Variants in CTTNBP2 observed in about 807,000 individuals in gnomAD.
CTTNBP2 encodes the protein cortactin-binding protein 2.
In CTTNBP2, 108 loss-of-function variants were observed where a neutral mutation model predicts 156.9. The ratio of observed to expected loss-of-function variants is 0.69; its 90% CI spans 0.59 to 0.81. The LOEUF (loss-of-function observed/expected upper bound fraction) is 0.81. CTTNBP2 is among the 30% of genes least tolerant of loss of function. The probability of loss-of-function intolerance (pLI) is 0.00; values close to 1 mark genes in which losing one functional copy is unlikely to be tolerated. For missense variants in CTTNBP2, 1,924 were observed against 2,035.4 expected (o/e 0.95, Z 1.05); for synonymous variants, 767 against 751.8 (o/e 1.02, Z -0.33).
chr7:117,744,282 C>G, intron 14 of CTTNBP2, among the ~76,000 whole-genome samples: 1 of 150,552 alleles, frequency 6.6e-6, no homozygotes, highest in African/African-American at 2.5e-5. Context: ...TTCATTCTTT[C>G]TATTTTTTCA....
chr7:117,810,066 G>C (rs1039715597), intron 3 of CTTNBP2, among the ~76,000 whole-genome samples: 1 of 151,908 alleles, frequency 6.6e-6, no homozygotes, highest in Non-Finnish European at 1.5e-5. Context: ...ATTGAACTTT[G>C]TACTCTTTGA....
intron 3 of CTTNBP2, among the ~76,000 whole-genome samples, chr7:117,808,564 G>A (rs1223808900): frequency 5.3e-5 from 8 of 152,196 alleles, no homozygotes; most frequent in African/African-American, 1.4e-4. Context: ...CTAGAGCAGC[G>A]CTCAGGCCAA....
Position 117,852,425 on chromosome 7 carries a change from C to T in CTTNBP2, c.189+8784G>A, listed in dbSNP as rs963704766. 2.6e-5 allele frequency among the ~76,000 whole-genome samples: 4 copies of T among 152,058 alleles called. No individual in the cohort carries two copies. The South Asian group carries it at 8.3e-4, about 31-fold the overall frequency. The stretch of plus-strand genomic sequence containing the variant: ...ATGGTCAGGGTGGAAAGAGCAGTTC[C>T]TTAGTAATTGTGTCCTTGTGTATTT... On this transcript the variant is annotated intron_variant, in intron 2 of 22. Transcript: ENST00000160373.
intron 2 of CTTNBP2, among the ~76,000 whole-genome samples, chr7:117,860,499 T>G (rs781172423): frequency 6.6e-6 from 1 of 152,004 alleles, no homozygotes; most frequent in African/African-American, 2.4e-5. Flanking sequence ...CCCGCCACCA[T>G]GCCCGGCTAA....
At chr7:117,830,669 C>A (rs1801547284) in intron 2 of CTTNBP2, among the ~76,000 whole-genome samples, 1 of 152,186 alleles carries the variant, frequency 6.6e-6, no homozygotes. Context: ...AGTCATTAAA[C>A]AGCTGACGGT....
chr7:117,760,720 G>A lies in CTTNBP2; in HGVS notation c.2897-10C>T, dbSNP rs1296211578. On this transcript the variant is annotated splice_polypyrimidine_tract_variant and intron_variant, in intron 9 of 22. Coordinates refer to ENST00000160373, the MANE Select transcript of CTTNBP2 (RefSeq NM_033427.3). ...GGTATTTTAAGAGCATCTGTTAGAAGAGTAAAAGAATTAGGAGTTAAAAAA... is the reference window on the plus strand; with the variant it reads ...GGTATTTTAAGAGCATCTGTTAGAAAAGTAAAAGAATTAGGAGTTAAAAAA... 3 of 1,581,486 alleles carry A rather than the reference G, an allele frequency of 1.9e-6. No homozygotes were observed. The highest frequency in any genetic ancestry group is 8.6e-7 in the Non-Finnish European group (1 of 1,157,688).
intron 17 of CTTNBP2, among the ~76,000 whole-genome samples, 175 bp from the exon 18 acceptor site, chr7:117,725,432 T>C (rs551515278): frequency 6.6e-6 from 1 of 152,358 alleles, no homozygotes; most frequent in Non-Finnish European, 1.5e-5. Flanking sequence ...CAAAAGTGTT[T>C]GAATCTGCCT....
rs767456485 is a variant in CTTNBP2 at position 117,777,575 on chromosome 7, A to C, written c.2714T>G (p.Leu905Arg). The part of the protein sequence containing the change: ...GISKPVVPAD[L>R]INHANREGWT... ...GCCTTCTCTGTTGGCGTGGTTAATG[A>C]GGTCTGCAGGAACAACAGGCTTGGA... is the stretch of plus-strand genomic sequence containing the variant. The change falls in exon 8 of 23, where the codon CTC becomes CGC. Residue 905 changes from leucine to arginine, a missense_variant. By Grantham distance (102) the Leu-to-Arg change is moderately radical. Coordinates refer to ENST00000160373, the MANE Select transcript of CTTNBP2 (RefSeq NM_033427.3). The C allele has an allele frequency of 2.5e-6, 4 of 1,613,992 alleles. No individual in the cohort carries two copies. Among genetic ancestry groups the C allele is most frequent in the Non-Finnish European group, 1.7e-6 (2 of 1,179,952 alleles).
chr7:117,826,158 G>A (rs1801262330), intron 2 of CTTNBP2, among the ~76,000 whole-genome samples: 1 of 152,062 alleles, frequency 6.6e-6, no homozygotes, highest in Admixed American at 6.6e-5. Context: ...GAACTATGGG[G>A]GCATTCATGA....
intron 2 of CTTNBP2, among the ~76,000 whole-genome samples, chr7:117,847,716 C>G (rs1375581844): frequency 2.0e-5 from 3 of 151,778 alleles, no homozygotes; most frequent in Non-Finnish European, 4.4e-5. Context: ...GTGTCATAAG[C>G]CAAAATTATT....
chr7:117,806,153 T>C (rs1382319537), intron 3 of CTTNBP2, among the ~76,000 whole-genome samples: 2 of 152,172 alleles, frequency 1.3e-5, no homozygotes, highest in Admixed American at 6.5e-5. Context: ...CAGTGGATTG[T>C]GTGGAAGAGC....
intron 1 of CTTNBP2, 61 bp downstream of exon 1, chr7:117,873,274 C>T: frequency 8.0e-7 from 1 of 1,244,038 alleles, no homozygotes; most frequent in Non-Finnish European, 1.0e-6. Context: ...GGCTGGGACC[C>T]CGGCGCCGCC....
intron 8 of CTTNBP2, among the ~76,000 whole-genome samples, chr7:117,773,337 T>C (rs1797893072): frequency 6.6e-6 from 1 of 152,070 alleles, no homozygotes; most frequent in Non-Finnish European, 1.5e-5. Flanking sequence ...ACAGTGTGAG[T>C]AGAAACGTCT....
intron 2 of CTTNBP2, 96 bp downstream of exon 2, chr7:117,861,113 A>G: frequency 2.8e-6 from 2 of 722,390 alleles, no homozygotes; most frequent in Non-Finnish European, 4.7e-6. Context: ...TTTTAAATCT[A>G]TTTGATTCAA....
In CTTNBP2 at chr7:117,824,570, A is replaced by T. The variant is rs1396773187; in HGVS notation, c.190-13581T>A. On this transcript the variant is annotated intron_variant, in intron 2 of 22. Coordinates refer to ENST00000160373, the MANE Select transcript of CTTNBP2 (RefSeq NM_033427.3). ...TTTAAGTTCTCATAACAATCACACT[A>T]TGTAGGTACTGTGATGCTCATTTTA... Among the ~76,000 whole-genome samples, 3 of 152,360 alleles carry T rather than the reference A, an allele frequency of 2.0e-5. No homozygotes were observed. The South Asian group carries it at 6.2e-4, about 32-fold the overall frequency.
At chr7:117,837,095 G>C (rs565636973) in intron 2 of CTTNBP2, among the ~76,000 whole-genome samples, 1 of 152,174 alleles carries the variant, frequency 6.6e-6, no homozygotes, top group African/African-American at 2.4e-5. Flanking sequence ...GACAAGGAGC[G>C]TGAGACTGAG....
intron 2 of CTTNBP2, among the ~76,000 whole-genome samples, chr7:117,855,162 C>T (rs1803212444): frequency 6.6e-6 from 1 of 152,162 alleles, no homozygotes; most frequent in Non-Finnish European, 1.5e-5. Context: ...AGTGGTTGGG[C>T]TCAGTTCTAT....
intron 2 of CTTNBP2, among the ~76,000 whole-genome samples, chr7:117,848,115 C>T (rs1802713881): frequency 6.6e-6 from 1 of 152,036 alleles, no homozygotes; most frequent in African/African-American, 2.4e-5. Context: ...CCACGCCTGG[C>T]CTGCCTAACC....
At chr7:117,778,775 A>T (rs1453471685) in intron 7 of CTTNBP2, among the ~76,000 whole-genome samples, 3 of 152,044 alleles carry the variant, frequency 2.0e-5, no homozygotes, top group South Asian at 2.1e-4. Flanking sequence ...TTTTTAAAAA[A>T]TTTTTCATAA....
Sources: allele counts gnomAD v4.1 joint callset (sites outside exome capture counted in the v4.1 genomes callset), GRCh38; gene constraint gnomAD v4.1.1; transcripts MANE v1.5; gene names NCBI Gene and HGNC (gene_info 2026-07-23, HGNC 2026-07-21).